CFAP161: variants seen among roughly 807,000 people sequenced by gnomAD.
The protein encoded by CFAP161 is cilia and flagella associated protein 161.
A neutral mutation model predicts 29.0 loss-of-function variants in CFAP161; 25 were observed. The ratio of observed to expected loss-of-function variants is 0.86; its 90% CI spans 0.63 to 1.20. The LOEUF (loss-of-function observed/expected upper bound fraction) is 1.20, where lower values mean the gene tolerates loss of function less well. Ranked by LOEUF, CFAP161 falls within the 50% of genes most tolerant of loss-of-function variation. The pLI is 0.00. For synonymous variants in CFAP161, 116 were observed against 137.4 expected, an observed-to-expected ratio of 0.84 and a Z score of 1.09; for missense variants, 367 against 371.9, an observed-to-expected ratio of 0.99 and a Z score of 0.11.
intron 1 of CFAP161, among the ~76,000 whole-genome samples, chr15:81,101,934 C>T (rs979333881): frequency 6.6e-6 from 1 of 152,144 alleles, no homozygotes; most frequent in African/African-American, 2.4e-5. Context: ...GACCTCACTA[C>T]CTCACTGCAG....
At chr15:81,144,920 C>G (rs1012966509) in intron 5 of CFAP161, among the ~76,000 whole-genome samples, 1 of 152,168 alleles carries the variant, frequency 6.6e-6, no homozygotes, top group Non-Finnish European at 1.5e-5. Context: ...ACACTTTCTC[C>G]GGATGCTGGG....
intron 1 of CFAP161, among the ~76,000 whole-genome samples, chr15:81,116,438 C>T (rs532222831): frequency 3.9e-5 from 6 of 152,286 alleles, no homozygotes; most frequent in South Asian, 4.1e-4. Context: ...GGACTACAGG[C>T]GCACGCCATA....
upstream of CFAP161, among the ~76,000 whole-genome samples, chr15:81,133,917 G>C (rs1894759390): frequency 6.6e-6 from 1 of 150,606 alleles, no homozygotes; most frequent in South Asian, 2.1e-4. Flanking sequence ...TGCTGCTGCT[G>C]CTGCTGCTGA....
chr15:81,130,610 G>A (rs1894698359), upstream of CFAP161, among the ~76,000 whole-genome samples: 1 of 152,222 alleles, frequency 6.6e-6, no homozygotes, highest in Non-Finnish European at 1.5e-5. Context: ...TGAGGCAGGA[G>A]AATCGCTTGA....
rs145373838 is a variant in CFAP161, at chr15:81,135,559, C to T, written c.159+200C>T. ...GGCCCCAGTGTGCGATGTTCCCCTT[C>T]CTGTGTCCATGTGTTCTCCATTGTT... is the stretch of plus-strand genomic sequence containing the variant. On this transcript the variant is annotated intron_variant, in intron 2 of 6. Coordinates refer to ENST00000286732, the MANE Select transcript of CFAP161 (RefSeq NM_173528.4). Among the ~76,000 whole-genome samples the T allele has an allele frequency of 6.5e-3, 934 of 143,712 alleles. 11 individuals carry two copies. The highest frequency in any genetic ancestry group is 0.018 in the Middle Eastern group (5 of 278). The allele number at this position is 143,712 out of a possible 152,430, so 94.3% of individuals were successfully genotyped here.
chr15:81,105,029 CG>C (rs1291836721), intron 1 of CFAP161, among the ~76,000 whole-genome samples: 2 of 151,296 alleles, frequency 1.3e-5, no homozygotes, highest in Non-Finnish European at 2.9e-5. Context: ...CAGCTTCTGG[CG>C]ATCCTTGATG....
intron 4 of CFAP161, 150 bp from the exon 5 acceptor site, chr15:81,143,512 G>A (rs1037202837): frequency 2.4e-6 from 2 of 828,120 alleles, no homozygotes; most frequent in African/African-American, 1.7e-5. Context: ...CTAAGGTAGA[G>A]GAAAATTGTG....
At chr15:81,105,095 T>TCCCC (rs1567149805) in intron 1 of CFAP161, among the ~76,000 whole-genome samples, 1 of 62,510 alleles carries the variant, frequency 1.6e-5, no homozygotes, top group African/African-American at 6.7e-5. Context: ...TTCTTTTCCC[T>TCCCC]CCCTCCCTCC....
At chr15:81,133,205 ATATATATATATATATATATG>A (rs1488506144), upstream of CFAP161, among the ~76,000 whole-genome samples, 1,428 of 52,952 alleles carry the variant, frequency 0.027, 93 homozygotes, top group African/African-American at 0.036. Context: ...ATATATATAT[ATATATATATATATATATATG>A]TATTTTTTTT....
chr15:81,107,394 C>T (rs1894385562), intron 1 of CFAP161, among the ~76,000 whole-genome samples: 2 of 152,152 alleles, frequency 1.3e-5, no homozygotes, highest in Non-Finnish European at 2.9e-5. Flanking sequence ...TTGGTTCTGC[C>T]ATTTGGATTG....
At chr15:81,126,122 G>A (rs527937899) in intron 1 of CFAP161, among the ~76,000 whole-genome samples, 28 of 152,296 alleles carry the variant, frequency 1.8e-4, no homozygotes, top group African/African-American at 6.3e-4. Context: ...AGCCAGCTCA[G>A]CCTCCCAAAG....
rs1435536379 is a variant in CFAP161, at chr15:81,136,707, A to C, written c.351A>C (p.Gln117His). ...LEVPCGLSAVQAKTPIGRNTF... is the reference protein window; with the variant it reads ...LEVPCGLSAVHAKTPIGRNTF... ...TACCCTGTGGCCTGAGCGCAGTTCA[A>C]GCCAAGACCCCAATTGGCAGAAACA... The change falls in exon 3 of 7, where the codon CAA becomes CAC. Residue 117 changes from glutamine to histidine, a missense_variant. Physicochemically the swap from Gln to His is conservative, Grantham distance 24 (BLOSUM62 0). Transcript: ENST00000286732. 6.2e-7 allele frequency: 1 copy of C among 1,614,162 alleles called. No individual in the cohort carries two copies. Among genetic ancestry groups the C allele is most frequent in the East Asian group, 2.2e-5 (1 of 44,886 alleles).
intron 1 of CFAP161, among the ~76,000 whole-genome samples, chr15:81,124,183 A>G (rs1329459574): frequency 1.3e-5 from 2 of 152,156 alleles, no homozygotes; most frequent in Non-Finnish European, 2.9e-5. Context: ...TTTGTCATAT[A>G]TGGCTCTTAT....
intron 4 of CFAP161, among the ~76,000 whole-genome samples, chr15:81,141,538 T>C (rs1434783960): frequency 6.6e-6 from 1 of 152,194 alleles, no homozygotes; most frequent in African/African-American, 2.4e-5. Context: ...ACCTCGAATT[T>C]TGGTTTCTTG....
At chr15:81,135,815 C>T (rs920115388) in intron 2 of CFAP161, among the ~76,000 whole-genome samples, 1 of 152,064 alleles carries the variant, frequency 6.6e-6, no homozygotes, top group Non-Finnish European at 1.5e-5. Flanking sequence ...TGAATAGTGC[C>T]GCAGTTGGTG....
intron 1 of CFAP161, among the ~76,000 whole-genome samples, chr15:81,109,005 C>G (rs988074465): frequency 6.6e-6 from 1 of 152,100 alleles, no homozygotes; most frequent in African/African-American, 2.4e-5. Context: ...CATTGAAACT[C>G]TCACAAAATT....
chr15:81,145,309 C>T (rs8037634), intron 5 of CFAP161, among the ~76,000 whole-genome samples: 63,314 of 152,106 alleles, frequency 0.42, 17,089 homozygotes, highest in African/African-American at 0.76. Flanking sequence ...TGCTAAGCTT[C>T]GCTCTTCTGA....
At chr15:81,147,806 CAAA>C in intron 5 of CFAP161, 49 bp from the exon 6 acceptor site, 6 of 1,198,876 alleles carry the variant, frequency 5.0e-6, no homozygotes, top group Admixed American at 2.5e-5. Flanking sequence ...TCCCTAAAAG[CAAA>C]AAAAAAAATG....
At chr15:81,144,361 A>G (rs1894970277) in intron 5 of CFAP161, among the ~76,000 whole-genome samples, 1 of 152,192 alleles carries the variant, frequency 6.6e-6, no homozygotes, top group Admixed American at 6.5e-5. Flanking sequence ...TTGGGAGGCT[A>G]AGGCGGGCGG....
Sources: allele counts gnomAD v4.1 joint callset (sites outside exome capture counted in the v4.1 genomes callset), GRCh38; gene constraint gnomAD v4.1.1; transcripts MANE v1.5; gene names NCBI Gene and HGNC (gene_info 2026-07-23, HGNC 2026-07-21).